Variants in CNTD1 observed in about 807,000 individuals in gnomAD.
The protein encoded by CNTD1 is cyclin N-terminal domain-containing protein 1.
Under a neutral mutation model 36.3 loss-of-function variants are expected in CNTD1, and 17 were observed. That is an observed-to-expected ratio of 0.47 (90% CI 0.32 to 0.70). The LOEUF is 0.70. Among genes scored for constraint, CNTD1 ranks in the 30% least tolerant of loss-of-function variants. CNTD1 has a pLI of 0.03. For missense variants in CNTD1, 338 were observed against 386.1 expected (o/e 0.88, Z 1.04); for synonymous variants, 128 against 153.3 (o/e 0.83, Z 1.22).
chr17:42,809,617 C>A lies in CNTD1; in HGVS notation c.*82C>A. Reference sequence around the variant, plus strand: ...TCTGTTTACTTTCATACTAAGGGTACAAAAATTCCAAGTCTCTTTTGAACT... The same window carrying A: ...TCTGTTTACTTTCATACTAAGGGTAAAAAAATTCCAAGTCTCTTTTGAACT... On this transcript the variant is annotated 3_prime_UTR_variant, in exon 7 of 7. Transcript: ENST00000588408. 7.9e-7 allele frequency: 1 copy of A among 1,262,922 alleles called. No individual in the cohort carries two copies. The highest frequency in any genetic ancestry group is 1.1e-6 in the Non-Finnish European group (1 of 900,392). 78.2% of individuals were successfully genotyped at this position (1,262,922 alleles called of 1,614,324 possible). A position where few individuals can be genotyped will look rare whatever the true frequency, so the allele number is the denominator to read the frequency against.
intron 1 of CNTD1, 65 bp from the exon 2 acceptor site, chr17:42,803,555 C>A: frequency 1.5e-6 from 2 of 1,296,316 alleles, no homozygotes; most frequent in South Asian, 1.2e-5. Context: ...TACACAATGC[C>A]AAGAGTTCAC....
Position 42,810,815 on chromosome 17 carries a change from A to C in CNTD1, c.*1280A>C. 6.2e-7 allele frequency: 1 copy of C among 1,613,658 alleles called. No individual in the cohort carries two copies. The highest frequency in any genetic ancestry group is 8.5e-7 in the Non-Finnish European group (1 of 1,179,784). Reference sequence around the variant, plus strand: ...AGCAAGACCCCACTTAAGATTCGTCAGCATGAACTTGAGAGCTTTTGTCCA... The same window carrying C: ...AGCAAGACCCCACTTAAGATTCGTCCGCATGAACTTGAGAGCTTTTGTCCA... On this transcript the variant is annotated 3_prime_UTR_variant, in exon 7 of 7. Transcript: ENST00000588408.
chr17:42,809,611 A>G lies in CNTD1; in HGVS notation c.*76A>G. On this transcript the variant is annotated 3_prime_UTR_variant, in exon 7 of 7. Coordinates refer to ENST00000588408, the MANE Select transcript of CNTD1 (RefSeq NM_173478.3). Reference sequence around the variant, plus strand: ...CCTCCCTCTGTTTACTTTCATACTAAGGGTACAAAAATTCCAAGTCTCTTT... The same window carrying G: ...CCTCCCTCTGTTTACTTTCATACTAGGGGTACAAAAATTCCAAGTCTCTTT... 2.2e-6 allele frequency: 3 copies of G among 1,343,722 alleles called. No homozygotes were observed. The South Asian group carries it at 4.0e-5, about 18-fold the overall frequency. 83.2% of individuals were successfully genotyped at this position (1,343,722 alleles called of 1,614,324 possible). A position where few individuals can be genotyped will look rare whatever the true frequency, so the allele number is the denominator to read the frequency against.
intron 1 of CNTD1, among the ~76,000 whole-genome samples, chr17:42,801,002 T>C (rs545551424): frequency 2.0e-5 from 3 of 151,842 alleles, no homozygotes; most frequent in Non-Finnish European, 4.4e-5. Context: ...CTGGCCAACA[T>C]AGTGAAACCC....
At chr17:42,801,549 T>TATA (rs1567660355) in intron 1 of CNTD1, among the ~76,000 whole-genome samples, 300 of 45,302 alleles carry the variant, frequency 6.6e-3, no homozygotes, top group Non-Finnish European at 0.01. Context: ...ATATATATAA[T>TATA]ATATGTGTGT....
At chr17:42,804,791 G>C (rs1452400342) in intron 3 of CNTD1, among the ~76,000 whole-genome samples, 1 of 152,094 alleles carries the variant, frequency 6.6e-6, no homozygotes, top group Non-Finnish European at 1.5e-5. Context: ...CTGGGCGACA[G>C]AGCGACTCTG....
chr17:42,801,507 AAAAATATATATATATATATAT>A lies in CNTD1; in HGVS notation c.170-2111_170-2091del, dbSNP rs1009845051. ...TGAGACCTTGTCTCAAAAAAAAAAA[AAAAATATATATATATATATAT>A]ATATATATATATATATATAATATAT... On this transcript the variant is annotated intron_variant, in intron 1 of 6. Coordinates refer to ENST00000588408, the MANE Select transcript of CNTD1 (RefSeq NM_173478.3). 1.1e-4 allele frequency among the ~76,000 whole-genome samples: 6 copies of A among 55,362 alleles called. 1 individual carries two copies. Among genetic ancestry groups the A allele is most frequent in the African/African-American group, 4.8e-4 (4 of 8,276 alleles). 36.3% of individuals were successfully genotyped at this position (55,362 alleles called of 152,430 possible).
chr17:42,803,311 C>T lies in CNTD1; in HGVS notation c.170-309C>T, dbSNP rs2054824844. ...CAGCATGGTGTAGAGGTCACATAGA[C>T]CAGCTGGTATGTTTGTGTGTAACTG... On this transcript the variant is annotated intron_variant, in intron 1 of 6. Transcript: ENST00000588408. Among the ~76,000 whole-genome samples the T allele has an allele frequency of 2.0e-5, 3 of 152,158 alleles. 1 individual carries two copies. In the South Asian group the frequency reaches 6.2e-4, roughly 32 times the overall value.
chr17:42,801,535 ATATATATATATAATATATGTG>A (rs1567660236), intron 1 of CNTD1, among the ~76,000 whole-genome samples: 2 of 80,218 alleles, frequency 2.5e-5, no homozygotes, highest in African/African-American at 1.1e-4. Context: ...ATATATATAT[ATATATATATATAATATATGTG>A]TGTGTGTGTG....
chr17:42,810,747 C>G lies in CNTD1; in HGVS notation c.*1212C>G. The G allele has an allele frequency of 6.3e-7, 1 of 1,588,436 alleles. No homozygotes were observed. Among genetic ancestry groups the G allele is most frequent in the Middle Eastern group, 1.7e-4 (1 of 5,802 alleles). On this transcript the variant is annotated 3_prime_UTR_variant, in exon 7 of 7. Transcript: ENST00000588408. ...AAAAGCCTTTAAGGCAAACCTCCCC[C>G]TAAGGAAAAAAGTCATTTGTTATAA... is the stretch of plus-strand genomic sequence containing the variant.
At chr17:42,809,322 TTGAGA>T in intron 6 of CNTD1, 38 bp from the exon 7 acceptor site, 1 of 1,547,654 alleles carries the variant, frequency 6.5e-7, no homozygotes, top group Non-Finnish European at 8.9e-7. Flanking sequence ...CTAAAATGTG[TTGAGA>T]TTTTTTAGTA....
At position 42,806,715 on chromosome 17, in the gene CNTD1, ACCTG is replaced by A; in HGVS notation, c.627_630del (p.Cys209Ter). 6.2e-7 allele frequency: 1 copy of A among 1,614,102 alleles called. No individual in the cohort carries two copies. The highest frequency in any genetic ancestry group is 8.5e-7 in the Non-Finnish European group (1 of 1,179,986). On this transcript the variant is annotated frameshift_variant, in exon 5 of 7. Coordinates refer to ENST00000588408, the MANE Select transcript of CNTD1 (RefSeq NM_173478.3). LOFTEE classifies it high-confidence loss of function. ...GGTTCCAGCCATGAGGCTGCATGCA[ACCTG>A]CCTGACACTGCTCGACCTGGTCTAT...
At chr17:42,801,293 G>A (rs2054778871) in intron 1 of CNTD1, among the ~76,000 whole-genome samples, 1 of 147,646 alleles carries the variant, frequency 6.8e-6, no homozygotes, top group Admixed American at 6.8e-5. Flanking sequence ...GATAATAATG[G>A]CTTTGGAGCC....
chr17:42,800,020 C>G (rs1328689350), intron 1 of CNTD1, among the ~76,000 whole-genome samples: 1 of 144,646 alleles, frequency 6.9e-6, no homozygotes, highest in Non-Finnish European at 1.5e-5. Flanking sequence ...GCTGAGATGG[C>G]GCCACTACAC....
At position 42,810,636 on chromosome 17, in the gene CNTD1, A is replaced by G; in HGVS notation, c.*1101A>G. On this transcript the variant is annotated 3_prime_UTR_variant, in exon 7 of 7. Transcript: ENST00000588408. ...TTTTAAAATAAAGTGGCTTTTGTGGATTTTTTCTTTTTTGGTATTGTAAAC... is the reference window on the plus strand; with the variant it reads ...TTTTAAAATAAAGTGGCTTTTGTGGGTTTTTTCTTTTTTGGTATTGTAAAC... The G allele has an allele frequency of 2.8e-6, 3 of 1,074,736 alleles. No individual in the cohort carries two copies. Among genetic ancestry groups the G allele is most frequent in the Middle Eastern group, 3.3e-4 (1 of 3,070 alleles). The allele number at this position is 1,074,736 out of a possible 1,614,324, so 66.6% of individuals were successfully genotyped here.
rs1213435498 is a variant in CNTD1, at chr17:42,805,838, T to C, written c.534T>C (p.Asn178=). 1 of 1,614,110 alleles carries C rather than the reference T, an allele frequency of 6.2e-7. No homozygotes were observed. The highest frequency in any genetic ancestry group is 8.5e-7 in the Non-Finnish European group (1 of 1,179,960). ...TGAAGTCCTTGAACTTCCGAATTAA[T>C]CTGCCCACTCCCCTGGCATATGTGG... ...DVLKSLNFRI[N]LPTPLAYVET... is the part of the protein sequence containing the mutation. The change falls in exon 4 of 7, where the codon AAT becomes AAC. Residue 178 remains asparagine (N), a synonymous_variant. Coordinates refer to ENST00000588408, the MANE Select transcript of CNTD1 (RefSeq NM_173478.3).
chr17:42,810,607 G>A lies in CNTD1; in HGVS notation c.*1072G>A. On this transcript the variant is annotated 3_prime_UTR_variant, in exon 7 of 7. Transcript: ENST00000588408. ...TAGCTCTGGAAAGTATCTGTCACAT[G>A]ATATTTTAAAATAAAGTGGCTTTTG... 1.3e-6 allele frequency: 1 copy of A among 771,208 alleles called. No individual in the cohort carries two copies. Among genetic ancestry groups the A allele is most frequent in the South Asian group, 2.7e-5 (1 of 36,942 alleles). The allele number at this position is 771,208 out of a possible 1,614,324, so 47.8% of individuals were successfully genotyped here.
Position 42,810,917 on chromosome 17 carries a change from T to G in CNTD1, c.*1382T>G. 6.2e-7 allele frequency: 1 copy of G among 1,607,970 alleles called. No homozygotes were observed. Among genetic ancestry groups the G allele is most frequent in the Non-Finnish European group, 8.5e-7 (1 of 1,177,514 alleles). On this transcript the variant is annotated 3_prime_UTR_variant, in exon 7 of 7. Coordinates refer to ENST00000588408, the MANE Select transcript of CNTD1 (RefSeq NM_173478.3). Reference sequence around the variant, plus strand: ...TCCTGTGTCTTCAATCTTGCCTTTCTCCACATCCATCCTGCAGATGGACAG... The same window carrying G: ...TCCTGTGTCTTCAATCTTGCCTTTCGCCACATCCATCCTGCAGATGGACAG...
chr17:42,799,294 G>C, intron 1 of CNTD1, 58 bp downstream of exon 1: 1 of 1,529,014 alleles, frequency 6.5e-7, no homozygotes, highest in Non-Finnish European at 8.8e-7. Context: ...GTGTCTTTCA[G>C]GCACCGACCT....
Sources: allele counts gnomAD v4.1 joint callset (sites outside exome capture counted in the v4.1 genomes callset), GRCh38; gene constraint gnomAD v4.1.1; transcripts MANE v1.5; gene names NCBI Gene and HGNC (gene_info 2026-07-23, HGNC 2026-07-21).